DOCK7: variants seen among roughly 807,000 people sequenced by gnomAD.
DOCK7 encodes the protein dedicator of cytokinesis protein 7.
Under a neutral mutation model 271.0 loss-of-function variants are expected in DOCK7, and 138 were observed. The observed-to-expected ratio is 0.51, with a 90% CI of 0.44 to 0.59. The LOEUF is 0.59. DOCK7 is among the 20% of genes least tolerant of loss of function. DOCK7 has a pLI of 0.00. For missense variants in DOCK7, 2,066 were observed against 2,592.4 expected, an observed-to-expected ratio of 0.80 and a Z score of 4.41; for synonymous variants, 823 against 876.1, an observed-to-expected ratio of 0.94 and a Z score of 1.07.
chr1:62,631,498 T>C, intron 10 of DOCK7, 93 bp from the exon 11 acceptor site: 1 of 1,138,194 alleles, frequency 8.8e-7, no homozygotes, highest in Non-Finnish European at 1.2e-6. Flanking sequence ...GGATGAGAAG[T>C]CTCAATTCTC....
intron 14 of DOCK7, among the ~76,000 whole-genome samples, chr1:62,589,278 AT>A (rs1478492227): frequency 6.6e-6 from 1 of 152,094 alleles, no homozygotes; most frequent in African/African-American, 2.4e-5. Context: ...ATTACATCTT[AT>A]TTTTTAGCAT....
At position 62,484,106 on chromosome 1, in the gene DOCK7, C is replaced by T. The variant is rs1646222816; in HGVS notation, c.5508+3292G>A. 2.0e-5 allele frequency: 3 copies of T among 151,978 alleles called. No individual in the cohort carries two copies. In the South Asian group the frequency reaches 6.2e-4, roughly 32 times the overall value. 9.4% of individuals were successfully genotyped at this position (151,978 alleles called of 1,614,324 possible). On this transcript the variant is annotated intron_variant, in intron 43 of 49. Coordinates refer to ENST00000635253, the MANE Select transcript of DOCK7 (RefSeq NM_001367561.1). ...GTGTGGATTGAAGAAAATAAAAATC[C>T]AACAGAAGCCACTGAGCCAGAACTA...
intron 18 of DOCK7, among the ~76,000 whole-genome samples, chr1:62,576,867 ATTAAT>A (rs1178091723): frequency 1.3e-5 from 2 of 152,230 alleles, no homozygotes; most frequent in Non-Finnish European, 2.9e-5. Context: ...ATTCTAAAAA[ATTAAT>A]TTAAATCTGT....
intron 9 of DOCK7, 79 bp downstream of exon 9, chr1:62,634,694 C>A: frequency 7.3e-7 from 1 of 1,378,784 alleles, no homozygotes; most frequent in Non-Finnish European, 1.0e-6. Context: ...CAAATCTTTG[C>A]CCTTGAAAAG....
chr1:62,500,906 T>A (rs1646763017), intron 37 of DOCK7, among the ~76,000 whole-genome samples: 2 of 152,214 alleles, frequency 1.3e-5, no homozygotes, highest in Non-Finnish European at 2.9e-5. Context: ...GTGCAATGGT[T>A]ACTGCCTGTA....
chr1:62,641,313 C>T (rs1396524634), intron 7 of DOCK7: 2 of 412,572 alleles, frequency 4.8e-6, no homozygotes, highest in Admixed American at 2.9e-5. Context: ...GCCAGGAGCC[C>T]CAGGTAGGCA....
At chr1:62,513,236 A>G (rs967538672) in intron 33 of DOCK7, among the ~76,000 whole-genome samples, 6 of 101,886 alleles carry the variant, frequency 5.9e-5, no homozygotes, top group East Asian at 3.5e-4. Flanking sequence ...TTTCTAGAGA[A>G]GACTTTCTAG....
At position 62,492,861 on chromosome 1, in the gene DOCK7, A is replaced by T. The variant is rs1646506232; in HGVS notation, c.5218-14T>A. ...AGATGAAATATTCTAGGGAAAAAATATATTGAAAAGGTTTTTGAAACAGAA... is the reference window on the plus strand; with the variant it reads ...AGATGAAATATTCTAGGGAAAAAATTTATTGAAAAGGTTTTTGAAACAGAA... On this transcript the variant is annotated splice_polypyrimidine_tract_variant and intron_variant, in intron 40 of 49. Transcript: ENST00000635253. 2 of 1,599,578 alleles carry T rather than the reference A, an allele frequency of 1.3e-6. No individual in the cohort carries two copies. Among genetic ancestry groups the T allele is most frequent in the Non-Finnish European group, 1.7e-6 (2 of 1,174,686 alleles).
rs1454197646 is a variant in DOCK7, at chr1:62,653,752, G to A, written c.362C>T (p.Thr121Ile). The change falls in exon 4 of 50, where the codon ACA becomes ATA. Residue 121 changes from threonine to isoleucine, a missense_variant. By Grantham distance (89) the Thr-to-Ile change is moderately conservative (BLOSUM62 -1). Transcript: ENST00000635253. Reference sequence around the variant, plus strand: ...TCTGATGACAATTGCCCAGTCTTCTGTATAACTTCTTATACAGTCTCTAAC... The same window carrying A: ...TCTGATGACAATTGCCCAGTCTTCTATATAACTTCTTATACAGTCTCTAAC... Reference protein sequence around the residue: ...PHVRDCIRSYTEDWAIVIRKY... With the variant: ...PHVRDCIRSYIEDWAIVIRKY... 1 of 1,590,734 alleles carries A rather than the reference G, an allele frequency of 6.3e-7. No individual in the cohort carries two copies. The highest frequency in any genetic ancestry group is 1.3e-5 in the African/African-American group (1 of 74,402).
chr1:62,532,698 A>G (rs551344230), intron 29 of DOCK7, among the ~76,000 whole-genome samples: 1 of 152,344 alleles, frequency 6.6e-6, no homozygotes, highest in South Asian at 2.1e-4. Context: ...CTGTTTGAAC[A>G]GATACCTGAA....
intron 31 of DOCK7, among the ~76,000 whole-genome samples, chr1:62,515,231 G>A (rs1379371470): frequency 1.3e-5 from 2 of 151,296 alleles, no homozygotes; most frequent in African/African-American, 4.9e-5. Flanking sequence ...CGAGACACAA[G>A]CTCCAAGCTC....
At position 62,648,048 on chromosome 1, in the gene DOCK7, T is replaced by C. The variant is rs1168089; in HGVS notation, c.732+58A>G. 0.64 allele frequency: 969,974 copies of C among 1,511,746 alleles called. 316,454 individuals are homozygous for C. Among genetic ancestry groups the C allele is most frequent in the East Asian group, 0.77 (33,931 of 44,178 alleles). 93.6% of individuals were successfully genotyped at this position (1,511,746 alleles called of 1,614,324 possible). ...ATTTTGTAATACTATATATCAATCA[T>C]AATCCCAAAAGATCAATTTTAATAA... On this transcript the variant is annotated intron_variant, in intron 6 of 49. Transcript: ENST00000635253.
intron 14 of DOCK7, among the ~76,000 whole-genome samples, chr1:62,606,388 C>T (rs906638751): frequency 2.0e-5 from 3 of 151,418 alleles, no homozygotes; most frequent in Admixed American, 6.6e-5. Flanking sequence ...GACGTTTTCC[C>T]CATATAAAGC....
intron 7 of DOCK7, among the ~76,000 whole-genome samples, chr1:62,645,067 G>A (rs984222100): frequency 3.3e-5 from 5 of 152,104 alleles, no homozygotes; most frequent in South Asian, 2.1e-4. Flanking sequence ...TGGTGAAAAC[G>A]TGGAGAAATT....
chr1:62,564,878 T>C (rs1177874019), intron 18 of DOCK7, among the ~76,000 whole-genome samples: 2 of 152,074 alleles, frequency 1.3e-5, no homozygotes, highest in Non-Finnish European at 2.9e-5. Flanking sequence ...TCACCACTGA[T>C]CCAACAGAAA....
Position 62,604,035 on chromosome 1 carries a change from T to G in DOCK7, c.1682+14671A>C, listed in dbSNP as rs200065546. 2.4e-4 allele frequency: 391 copies of G among 1,612,970 alleles called. No individual in the cohort carries two copies. Among genetic ancestry groups the G allele is most frequent in the Non-Finnish European group, 3.1e-4 (368 of 1,179,306 alleles). On this transcript the variant is annotated intron_variant, in intron 14 of 49. Transcript: ENST00000635253. ...AAGCAATCTAATTATGTTTTACGAA[T>G]TGAGTTGGAAGACTGGAAAGACAAC...
chr1:62,595,894 A>T (rs1229604590), intron 14 of DOCK7, among the ~76,000 whole-genome samples: 1 of 152,044 alleles, frequency 6.6e-6, no homozygotes, highest in African/African-American at 2.4e-5. Context: ...ATGCCACTGC[A>T]CTCCAGCCTG....
intron 14 of DOCK7, among the ~76,000 whole-genome samples, chr1:62,607,524 T>C (rs2149553629): frequency 6.6e-6 from 1 of 152,294 alleles, no homozygotes; most frequent in East Asian, 1.9e-4. Context: ...TCTTCTTTCC[T>C]CCTAATTTTA....
At chr1:62,656,379 G>C (rs1361378342) in intron 2 of DOCK7, among the ~76,000 whole-genome samples, 1 of 152,116 alleles carries the variant, frequency 6.6e-6, no homozygotes, top group Non-Finnish European at 1.5e-5. Context: ...GCCACACTAA[G>C]AGAAAGTATT....
Sources: allele counts gnomAD v4.1 joint callset (sites outside exome capture counted in the v4.1 genomes callset), GRCh38; gene constraint gnomAD v4.1.1; transcripts MANE v1.5; gene names NCBI Gene and HGNC (gene_info 2026-07-23, HGNC 2026-07-21).